Variants in MRPL48 observed in about 807,000 individuals in gnomAD.
The protein encoded by MRPL48 is large ribosomal subunit protein mL48.
A neutral mutation model predicts 32.9 loss-of-function variants in MRPL48; 16 were observed. That is an observed-to-expected ratio of 0.49 (90% CI 0.33 to 0.74). The LOEUF (loss-of-function observed/expected upper bound fraction) is 0.74. Ranked by LOEUF, MRPL48 falls within the 30% of genes least tolerant of loss-of-function variation. The pLI, the probability that MRPL48 is intolerant of heterozygous loss-of-function variation, is 0.02. For missense variants in MRPL48, 206 were observed against 245.3 expected, an observed-to-expected ratio of 0.84 and a Z score of 1.07; for synonymous variants, 94 against 89.2, an observed-to-expected ratio of 1.05 and a Z score of -0.31.
At chr11:73,851,293 G>T (rs1001150692) in intron 5 of MRPL48, 2 of 259,044 alleles carry the variant, frequency 7.7e-6, no homozygotes, top group Non-Finnish European at 1.6e-5. Context: ...GGCTTAGAAA[G>T]GCTGAAAGCA....
chr11:73,817,927 C>T (rs1362057001), intron 3 of MRPL48: 1 of 224,998 alleles, frequency 4.4e-6, no homozygotes, highest in African/African-American at 2.4e-5. Flanking sequence ...GCCTCAGCCT[C>T]TGGAGTAGCT....
chr11:73,852,864 T>G (rs567530356), intron 5 of MRPL48, among the ~76,000 whole-genome samples: 2 of 152,206 alleles, frequency 1.3e-5, no homozygotes, highest in South Asian at 4.2e-4. Context: ...TGTCAACAGG[T>G]GAATGGATAA....
At chr11:73,798,939 T>C (rs1035967746) in intron 1 of MRPL48, among the ~76,000 whole-genome samples, 17 of 147,800 alleles carry the variant, frequency 1.2e-4, no homozygotes, top group African/African-American at 4.1e-4. Flanking sequence ...TGTAGTGAGC[T>C]GAGATCGCAC....
chr11:73,840,587 C>T (rs1161316632), intron 4 of MRPL48, among the ~76,000 whole-genome samples: 3 of 152,140 alleles, frequency 2.0e-5, no homozygotes, highest in African/African-American at 7.2e-5. Context: ...GCAACCTCTG[C>T]CTCCCAGGTT....
At chr11:73,848,565 A>G (rs1005888204) in intron 5 of MRPL48, among the ~76,000 whole-genome samples, 14 of 147,980 alleles carry the variant, frequency 9.5e-5, no homozygotes, top group Non-Finnish European at 1.9e-4. Flanking sequence ...GTTTATATTG[A>G]GTCTTCTGAT....
chr11:73,823,904 G>A (rs1166364381), intron 3 of MRPL48, among the ~76,000 whole-genome samples: 1 of 151,242 alleles, frequency 6.6e-6, no homozygotes, highest in Non-Finnish European at 1.5e-5. Context: ...CACCCAGGCT[G>A]GAGTGCAGTG....
rs11352308 is a variant in MRPL48 at position 73,788,472 on chromosome 11, CTTTTTTTTTT to C, written c.21+493_21+502del. Among the ~76,000 whole-genome samples, 39 of 109,640 alleles carry C rather than the reference CTTTTTTTTTT, an allele frequency of 3.6e-4. No homozygotes were observed. The Admixed American group carries it at 3.8e-3, about 11-fold the overall frequency. 71.9% of individuals were successfully genotyped at this position (109,640 alleles called of 152,430 possible). A position where few individuals can be genotyped will look rare whatever the true frequency, so the allele number is the denominator to read the frequency against. Reference sequence around the variant, plus strand: ...AAACTAGGTTTTTGTTCTTTTCTTTCTTTTTTTTTTTTTTTTTTTTTTGACGGATTTCGCT... The same window carrying C: ...AAACTAGGTTTTTGTTCTTTTCTTTCTTTTTTTTTTTTGACGGATTTCGCT... On this transcript the variant is annotated intron_variant, in intron 1 of 7. Coordinates refer to ENST00000310614, the MANE Select transcript of MRPL48 (RefSeq NM_016055.6).
At chr11:73,837,637 G>C (rs535491234) in intron 4 of MRPL48, among the ~76,000 whole-genome samples, 1 of 152,222 alleles carries the variant, frequency 6.6e-6, no homozygotes, top group East Asian at 1.9e-4. Context: ...CCAGAGTGCA[G>C]TCCTACAAGG....
chr11:73,832,340 T>G (rs1948011214), intron 4 of MRPL48: 2 of 152,192 alleles, frequency 1.3e-5, no homozygotes, highest in African/African-American at 4.8e-5. Context: ...TTTATTTTGT[T>G]GTAGCACCCA....
chr11:73,822,120 T>G (rs560173064), intron 3 of MRPL48, among the ~76,000 whole-genome samples: 36 of 152,108 alleles, frequency 2.4e-4, no homozygotes, highest in Non-Finnish European at 4.1e-4. Context: ...GGTCTTAGAT[T>G]CAGAGAGATG....
intron 4 of MRPL48, among the ~76,000 whole-genome samples, chr11:73,840,812 C>CA (rs1283052650): frequency 1.3e-5 from 2 of 150,310 alleles, no homozygotes; most frequent in African/African-American, 2.5e-5. Flanking sequence ...CCCTGTCTCA[C>CA]AAAAAAATAA....
rs138266797 is a variant in MRPL48 at position 73,794,510 on chromosome 11, G to A, written c.21+6518G>A. On this transcript the variant is annotated intron_variant, in intron 1 of 7. Coordinates refer to ENST00000310614, the MANE Select transcript of MRPL48 (RefSeq NM_016055.6). Reference sequence around the variant, plus strand: ...GAGGAAGTTGCAGTGAGCCGAGATCGTGTTATTGCACTCCAGCCTGGGCAA... The same window carrying A: ...GAGGAAGTTGCAGTGAGCCGAGATCATGTTATTGCACTCCAGCCTGGGCAA... 5.4e-3 allele frequency among the ~76,000 whole-genome samples: 812 copies of A among 150,214 alleles called. 8 individuals carry two copies. Among genetic ancestry groups the A allele is most frequent in the African/African-American group, 0.018 (740 of 40,904 alleles).
At chr11:73,847,761 A>G (rs1044430540) in intron 5 of MRPL48, among the ~76,000 whole-genome samples, 1 of 151,668 alleles carries the variant, frequency 6.6e-6, no homozygotes, top group African/African-American at 2.4e-5. Context: ...TGTATTTTTA[A>G]TAGAGATGGG....
At chr11:73,839,375 A>G (rs1018710545) in intron 4 of MRPL48, among the ~76,000 whole-genome samples, 1 of 151,954 alleles carries the variant, frequency 6.6e-6, no homozygotes, top group Non-Finnish European at 1.5e-5. Context: ...TTTTTTTCTT[A>G]AAAAAATAAT....
At position 73,825,808 on chromosome 11, in the gene MRPL48, G is replaced by A. The variant is rs1298906377; in HGVS notation, c.201+12G>A. 1 of 1,552,682 alleles carries A rather than the reference G, an allele frequency of 6.4e-7. No individual in the cohort carries two copies. The highest frequency in any genetic ancestry group is 8.7e-7 in the Non-Finnish European group (1 of 1,147,214). The stretch of plus-strand genomic sequence containing the variant: ...TTAAAGCAGAAGAGGTAACGGGCAG[G>A]GGGAGTCTTTTGGAAAAGGATAATG... On this transcript the variant is annotated intron_variant, in intron 4 of 7. Coordinates refer to ENST00000310614, the MANE Select transcript of MRPL48 (RefSeq NM_016055.6).
At chr11:73,853,207 A>T (rs1948430584) in intron 5 of MRPL48, among the ~76,000 whole-genome samples, 1 of 152,238 alleles carries the variant, frequency 6.6e-6, no homozygotes, top group African/African-American at 2.4e-5. Flanking sequence ...TATAGTTGAT[A>T]ATTTAATTGT....
intron 3 of MRPL48, among the ~76,000 whole-genome samples, chr11:73,824,230 T>C (rs1009051072): frequency 6.6e-6 from 1 of 152,174 alleles, no homozygotes; most frequent in Non-Finnish European, 1.5e-5. Context: ...TTTGTTGTTG[T>C]TCACTTAACG....
intron 2 of MRPL48, among the ~76,000 whole-genome samples, chr11:73,807,740 T>C (rs12801969): frequency 6.7e-6 from 1 of 148,544 alleles, no homozygotes; most frequent in East Asian, 2.0e-4. Context: ...CAAGTTCAGG[T>C]GATTCTCCTG....
At chr11:73,824,205 C>CTTTTGG in intron 3 of MRPL48, among the ~76,000 whole-genome samples, 1 of 152,224 alleles carries the variant, frequency 6.6e-6, no homozygotes, top group Non-Finnish European at 1.5e-5. Flanking sequence ...CTGTTCTACA[C>CTTTTGG]TTTTGGTTTT....
Sources: allele counts gnomAD v4.1 joint callset (sites outside exome capture counted in the v4.1 genomes callset), GRCh38; gene constraint gnomAD v4.1.1; transcripts MANE v1.5; gene names NCBI Gene and HGNC (gene_info 2026-07-23, HGNC 2026-07-21).